The following CAMKMT variants were observed in gnomAD, a reference collection of about 807,000 sequenced individuals.
CAMKMT encodes the protein calmodulin-lysine N-methyltransferase, also known as CaM KMT.
In CAMKMT, 53 loss-of-function variants were observed where a neutral mutation model predicts 48.0. The ratio of observed to expected loss-of-function variants is 1.10; its 90% CI spans 0.89 to 1.39. CAMKMT has a LOEUF of 1.39. Ranked by LOEUF, CAMKMT falls within the 40% of genes most tolerant of loss-of-function variation. The probability of loss-of-function intolerance (pLI) is 0.00; values close to 1 mark genes in which losing one functional copy is unlikely to be tolerated. For missense variants in CAMKMT, 428 were observed against 402.7 expected (o/e 1.06, Z -0.54); for synonymous variants, 165 against 152.3 (o/e 1.08, Z -0.61).
intron 7 of CAMKMT, among the ~76,000 whole-genome samples, chr2:44,725,300 A>C (rs976137102): frequency 6.6e-6 from 1 of 152,160 alleles, no homozygotes; most frequent in Non-Finnish European, 1.5e-5. Context: ...CTAAGTTGCT[A>C]TTCTAGTCCA....
intron 3 of CAMKMT, among the ~76,000 whole-genome samples, chr2:44,692,310 A>C (rs1336516381): frequency 6.6e-6 from 1 of 152,118 alleles, no homozygotes; most frequent in East Asian, 1.9e-4. Flanking sequence ...TCTTACATGC[A>C]TTATCTCATT....
chr2:44,762,961 G>C (rs1021648583), intron 9 of CAMKMT, among the ~76,000 whole-genome samples: 1 of 152,248 alleles, frequency 6.6e-6, no homozygotes, highest in Non-Finnish European at 1.5e-5. Flanking sequence ...TTTCTAAAGT[G>C]ATGGGCTAAT....
intron 3 of CAMKMT, among the ~76,000 whole-genome samples, chr2:44,666,612 C>CTTTTTTT (rs1293884982): frequency 7.5e-5 from 10 of 133,968 alleles, no homozygotes; most frequent in African/African-American, 2.9e-4. Context: ...CTCCTGGAAT[C>CTTTTTTT]TTTTTTTTTT....
Position 44,571,240 on chromosome 2 carries a change from C to T in CAMKMT, c.377-133043C>T, listed in dbSNP as rs561739831. ...TTGTATAGTGATTACAAAGATGTGACCTTTAACAGAGGGTTTTGTTGTGTT... is the reference window on the plus strand; with the variant it reads ...TTGTATAGTGATTACAAAGATGTGATCTTTAACAGAGGGTTTTGTTGTGTT... On this transcript the variant is annotated intron_variant, in intron 3 of 10. Transcript: ENST00000378494. Among the ~76,000 whole-genome samples, 56 of 152,046 alleles carry T rather than the reference C, an allele frequency of 3.7e-4. 1 individual carries two copies. In the South Asian group the frequency reaches 0.011, roughly 30 times the overall value.
intron 3 of CAMKMT, among the ~76,000 whole-genome samples, chr2:44,593,313 C>T (rs1670425953): frequency 6.6e-6 from 1 of 152,176 alleles, no homozygotes; most frequent in Non-Finnish European, 1.5e-5. Flanking sequence ...TAGGTCTTTC[C>T]CTGGCCTCCT....
chr2:44,551,628 T>C (rs1187529379), intron 3 of CAMKMT, among the ~76,000 whole-genome samples: 1 of 152,210 alleles, frequency 6.6e-6, no homozygotes, highest in Non-Finnish European at 1.5e-5. Context: ...TCCTGGGCTC[T>C]ATACCAAAGT....
intron 9 of CAMKMT, among the ~76,000 whole-genome samples, chr2:44,756,598 C>T (rs1680391883): frequency 6.6e-6 from 1 of 151,920 alleles, no homozygotes; most frequent in South Asian, 2.1e-4. Context: ...AAAAATTAGC[C>T]AGGCGTGGTG....
intron 3 of CAMKMT, among the ~76,000 whole-genome samples, chr2:44,460,803 A>G (rs1010901097): frequency 4.7e-5 from 7 of 148,934 alleles, no homozygotes; most frequent in Non-Finnish European, 8.9e-5. Flanking sequence ...ACTTACTGCA[A>G]CCTCCACTTC....
At chr2:44,456,146 A>AT (rs1667551183) in intron 3 of CAMKMT, among the ~76,000 whole-genome samples, 1 of 152,198 alleles carries the variant, frequency 6.6e-6, no homozygotes, top group Admixed American at 6.5e-5. Flanking sequence ...ATCCAAATAT[A>AT]TTGCTAGTAC....
At chr2:44,585,226 G>A (rs1669793406) in intron 3 of CAMKMT, among the ~76,000 whole-genome samples, 1 of 152,168 alleles carries the variant, frequency 6.6e-6, no homozygotes, top group African/African-American at 2.4e-5. Context: ...TCACCACATA[G>A]GAGAGCATGA....
intron 3 of CAMKMT, among the ~76,000 whole-genome samples, chr2:44,527,409 A>T (rs978719304): frequency 2.6e-5 from 3 of 117,416 alleles, no homozygotes; most frequent in Non-Finnish European, 5.1e-5. Flanking sequence ...ATATACGTAT[A>T]TATATTATAT....
intron 3 of CAMKMT, among the ~76,000 whole-genome samples, chr2:44,537,115 T>C (rs899879260): frequency 1.1e-4 from 17 of 152,174 alleles, no homozygotes; most frequent in African/African-American, 3.6e-4. Context: ...AAAGATTTTA[T>C]AGTTAAGACC....
intron 3 of CAMKMT, among the ~76,000 whole-genome samples, chr2:44,450,455 C>T (rs753373665): frequency 6.6e-5 from 10 of 152,104 alleles, no homozygotes; most frequent in Non-Finnish European, 1.5e-4. Flanking sequence ...TTATGCCAAA[C>T]ATTGTTGGTT....
chr2:44,456,870 T>C (rs1667590872), intron 3 of CAMKMT: 1 of 357,776 alleles, frequency 2.8e-6, no homozygotes, highest in Non-Finnish European at 5.0e-6. Context: ...GGATACTAAC[T>C]CTTAACTCAT....
intron 3 of CAMKMT, among the ~76,000 whole-genome samples, chr2:44,474,446 CAAAA>C (rs1222971931): frequency 1.7e-5 from 1 of 58,020 alleles, no homozygotes; most frequent in Admixed American, 1.8e-4. Flanking sequence ...GACTCCGTCT[CAAAA>C]AAAAAAAAAA....
At chr2:44,676,136 G>T (rs1190711328) in intron 3 of CAMKMT, among the ~76,000 whole-genome samples, 1 of 152,154 alleles carries the variant, frequency 6.6e-6, no homozygotes, top group South Asian at 2.1e-4. Flanking sequence ...ACTCATTGAG[G>T]TTGCACAGCT....
chr2:44,425,661 G>A (rs139959548), intron 3 of CAMKMT, among the ~76,000 whole-genome samples: 54 of 151,796 alleles, frequency 3.6e-4, no homozygotes, highest in Admixed American at 3.0e-3. Context: ...ATCAAAAGCC[G>A]TATGTATAAG....
intron 3 of CAMKMT, among the ~76,000 whole-genome samples, chr2:44,527,616 C>G (rs1375778031): frequency 1.3e-5 from 2 of 151,366 alleles, no homozygotes; most frequent in Non-Finnish European, 2.9e-5. Flanking sequence ...AATAATAGAG[C>G]TTTAAGAAGC....
chr2:44,761,741 C>T (rs754950106), intron 9 of CAMKMT, among the ~76,000 whole-genome samples: 7 of 152,116 alleles, frequency 4.6e-5, no homozygotes, highest in Non-Finnish European at 7.3e-5. Context: ...GTGACAGATA[C>T]GGAAGTGCTT....
Sources: allele counts gnomAD v4.1 joint callset (sites outside exome capture counted in the v4.1 genomes callset), GRCh38; gene constraint gnomAD v4.1.1; transcripts MANE v1.5; gene names NCBI Gene and HGNC (gene_info 2026-07-23, HGNC 2026-07-21).